ADAMTS12: variants seen among roughly 807,000 people sequenced by gnomAD.
The protein encoded by ADAMTS12 is ADAM metallopeptidase with thrombospondin type 1 motif 12.
Under a neutral mutation model 167.8 loss-of-function variants are expected in ADAMTS12, and 118 were observed. That is an observed-to-expected ratio of 0.70 (90% CI 0.61 to 0.82). ADAMTS12 has a LOEUF of 0.82. Ranked by LOEUF, ADAMTS12 falls within the 40% of genes least tolerant of loss-of-function variation. ADAMTS12 has a pLI of 0.00. For synonymous variants in ADAMTS12, 704 were observed against 716.9 expected (o/e 0.98, Z 0.29); for missense variants, 1,916 against 1,998.8 (o/e 0.96, Z 0.79).
intron 5 of ADAMTS12, among the ~76,000 whole-genome samples, chr5:33,662,513 T>C (rs958131958): frequency 2.0e-5 from 3 of 152,176 alleles, no homozygotes; most frequent in African/African-American, 4.8e-5. Context: ...TTGAATTTTA[T>C]TTTGGTTTGA....
chr5:33,662,385 T>C (rs887535361), intron 5 of ADAMTS12, among the ~76,000 whole-genome samples: 1 of 152,328 alleles, frequency 6.6e-6, no homozygotes, highest in South Asian at 2.1e-4. Flanking sequence ...CCTAAACCAA[T>C]GCAATATCAA....
intron 2 of ADAMTS12, among the ~76,000 whole-genome samples, chr5:33,831,543 A>G (rs1175714401): frequency 6.6e-6 from 1 of 152,214 alleles, no homozygotes; most frequent in Non-Finnish European, 1.5e-5. Context: ...TTGAGAACTA[A>G]TAGCAGGTGC....
intron 3 of ADAMTS12, 62 bp from the exon 4 acceptor site, chr5:33,684,117 T>C (rs899531733): frequency 6.5e-6 from 8 of 1,222,116 alleles, no homozygotes; most frequent in African/African-American, 3.1e-5. Context: ...TATCTACTTA[T>C]GTTAGTAAAG....
chr5:33,796,717 T>C (rs1365670251), intron 2 of ADAMTS12, among the ~76,000 whole-genome samples: 1 of 152,164 alleles, frequency 6.6e-6, no homozygotes, highest in Non-Finnish European at 1.5e-5. Context: ...TGAAAGTATA[T>C]ATGTGCTGAG....
intron 2 of ADAMTS12, among the ~76,000 whole-genome samples, chr5:33,878,302 T>C (rs1383197909): frequency 6.6e-6 from 1 of 152,002 alleles, no homozygotes; most frequent in African/African-American, 2.4e-5. Context: ...TAACCATCCA[T>C]TAAACATCCA....
At chr5:33,617,749 T>A (rs1393354760) in intron 14 of ADAMTS12, among the ~76,000 whole-genome samples, 1 of 152,128 alleles carries the variant, frequency 6.6e-6, no homozygotes, top group African/African-American at 2.4e-5. Context: ...AAATACTGTG[T>A]CTACCACCTT....
At chr5:33,878,290 T>A (rs973632352) in intron 2 of ADAMTS12, among the ~76,000 whole-genome samples, 7 of 149,272 alleles carry the variant, frequency 4.7e-5, no homozygotes, top group African/African-American at 2.5e-5. Context: ...TTTTTTTTTT[T>A]ATAACCATCC....
At chr5:33,532,470 C>T (rs56323133) in intron 23 of ADAMTS12, among the ~76,000 whole-genome samples, 134 of 141,866 alleles carry the variant, frequency 9.4e-4, no homozygotes, top group Non-Finnish European at 1.7e-3. Flanking sequence ...AGTACTGTTT[C>T]TATTTTTTTT....
At chr5:33,820,127 T>G (rs2112500711) in intron 2 of ADAMTS12, among the ~76,000 whole-genome samples, 1 of 152,288 alleles carries the variant, frequency 6.6e-6, no homozygotes, top group Non-Finnish European at 1.5e-5. Context: ...CACCTGTAAA[T>G]AGGGACTGGG....
At chr5:33,616,332 A>T (rs1322192191) in intron 14 of ADAMTS12, among the ~76,000 whole-genome samples, 1 of 152,216 alleles carries the variant, frequency 6.6e-6, no homozygotes, top group Non-Finnish European at 1.5e-5. Flanking sequence ...TTGGACTCTG[A>T]AGCTTTTGTG....
chr5:33,834,314 T>C (rs1270663663), intron 2 of ADAMTS12, among the ~76,000 whole-genome samples: 1 of 152,166 alleles, frequency 6.6e-6, no homozygotes, highest in Non-Finnish European at 1.5e-5. Context: ...CAAGAGTGTT[T>C]TAGTGGTGGG....
At chr5:33,747,349 C>T (rs982695195) in intron 3 of ADAMTS12, among the ~76,000 whole-genome samples, 5 of 152,004 alleles carry the variant, frequency 3.3e-5, no homozygotes, top group Non-Finnish European at 7.4e-5. Context: ...GTGACTTTAA[C>T]ATTAAACATA....
At chr5:33,588,914 G>A (rs1399881068) in intron 17 of ADAMTS12, 105 bp from the exon 18 acceptor site, 1 of 1,352,686 alleles carries the variant, frequency 7.4e-7, no homozygotes, top group South Asian at 1.2e-5. Flanking sequence ...AGGGCTGGAA[G>A]GGCCATGGAG....
chr5:33,759,498 A>C (rs1256404850), intron 2 of ADAMTS12, among the ~76,000 whole-genome samples: 1 of 152,196 alleles, frequency 6.6e-6, no homozygotes, highest in Non-Finnish European at 1.5e-5. Context: ...TTTTGCTGAC[A>C]AGAACTAAAT....
intron 1 of ADAMTS12, among the ~76,000 whole-genome samples, chr5:33,885,409 C>T (rs75877348): frequency 0.014 from 2,145 of 152,152 alleles, 31 homozygotes; most frequent in Non-Finnish European, 0.023. Flanking sequence ...GCCGAGTTTA[C>T]GGTGAGCCGA....
intron 22 of ADAMTS12, among the ~76,000 whole-genome samples, chr5:33,540,919 C>T (rs1267594169): frequency 6.6e-6 from 1 of 152,198 alleles, no homozygotes; most frequent in Non-Finnish European, 1.5e-5. Flanking sequence ...AACTGGAGTT[C>T]CTCTTCTCCT....
intron 3 of ADAMTS12, among the ~76,000 whole-genome samples, chr5:33,684,819 A>G (rs953721849): frequency 9.2e-5 from 14 of 152,236 alleles, no homozygotes; most frequent in Admixed American, 5.2e-4. Flanking sequence ...AATGATAAAG[A>G]AAGTCAGACA....
At chr5:33,881,077 G>T in intron 2 of ADAMTS12, 42 bp downstream of exon 2, 1 of 1,592,232 alleles carries the variant, frequency 6.3e-7, no homozygotes, top group South Asian at 1.1e-5. Flanking sequence ...TGAGACTCTA[G>T]GGGCCAGGGC....
At chr5:33,714,130 T>C (rs1016723965) in intron 3 of ADAMTS12, among the ~76,000 whole-genome samples, 2 of 152,034 alleles carry the variant, frequency 1.3e-5, no homozygotes, top group Admixed American at 1.3e-4. Context: ...GAACCATAAA[T>C]AGGAGATAAA....
Sources: allele counts gnomAD v4.1 joint callset (sites outside exome capture counted in the v4.1 genomes callset), GRCh38; gene constraint gnomAD v4.1.1; transcripts MANE v1.5; gene names NCBI Gene and HGNC (gene_info 2026-07-23, HGNC 2026-07-21).